Variants in PSD3 observed in about 807,000 individuals in gnomAD.
The protein encoded by PSD3 is PH and SEC7 domain-containing protein 3.
Under a neutral mutation model 105.5 loss-of-function variants are expected in PSD3, and 49 were observed. That is an observed-to-expected ratio of 0.46 (90% CI 0.37 to 0.59). PSD3 has a LOEUF of 0.59. PSD3 is among the 20% of genes least tolerant of loss of function. The pLI, the probability that PSD3 is intolerant of heterozygous loss-of-function variation, is 0.00. For missense variants in PSD3, 1,561 were observed against 1,263.8 expected, an observed-to-expected ratio of 1.24 and a Z score of -3.57; for synonymous variants, 557 against 457.8, an observed-to-expected ratio of 1.22 and a Z score of -2.77.
intron 1 of PSD3, among the ~76,000 whole-genome samples, chr8:19,040,397 G>T (rs1359775770): frequency 6.6e-6 from 1 of 152,000 alleles, no homozygotes; most frequent in East Asian, 1.9e-4. Flanking sequence ...TAGAGACGGG[G>T]GTCTTGCCAT....
intron 9 of PSD3, among the ~76,000 whole-genome samples, chr8:18,677,629 T>C (rs1297183622): frequency 6.6e-6 from 1 of 152,210 alleles, no homozygotes; most frequent in East Asian, 1.9e-4. Flanking sequence ...ATGAAAATGA[T>C]ACAGATAATG....
In PSD3 at chr8:18,619,739, C is replaced by G. The variant is rs150393695; in HGVS notation, c.2410+12874G>C. On this transcript the variant is annotated intron_variant, in intron 11 of 15. Transcript: ENST00000327040. Reference sequence around the variant, plus strand: ...ATTTCACTAAATGGATTTTTATTAACCTGGTATAACGTGGCTTACTCCCCA... The same window carrying G: ...ATTTCACTAAATGGATTTTTATTAAGCTGGTATAACGTGGCTTACTCCCCA... Among the ~76,000 whole-genome samples, 253 of 152,198 alleles carry G rather than the reference C, an allele frequency of 1.7e-3. 1 individual carries two copies. The highest frequency in any genetic ancestry group is 2.9e-3 in the Non-Finnish European group (194 of 68,008).
At chr8:18,610,279 T>C (rs899980003) in intron 11 of PSD3, among the ~76,000 whole-genome samples, 4 of 152,188 alleles carry the variant, frequency 2.6e-5, no homozygotes, top group South Asian at 2.1e-4. Flanking sequence ...GTAGACAAGA[T>C]TGAAAACCTA....
At chr8:18,914,606 C>T (rs1488602512) in intron 2 of PSD3, among the ~76,000 whole-genome samples, 1 of 152,158 alleles carries the variant, frequency 6.6e-6, no homozygotes, top group East Asian at 1.9e-4. Context: ...AAAATAATCT[C>T]ATTTGTAACA....
intron 12 of PSD3, among the ~76,000 whole-genome samples, chr8:18,598,600 T>C (rs538429471): frequency 6.6e-6 from 1 of 152,248 alleles, no homozygotes; most frequent in Non-Finnish European, 1.5e-5. Flanking sequence ...TATCCTTTCA[T>C]GATTTGAAAA....
At chr8:18,755,646 C>A (rs904917959) in intron 9 of PSD3, among the ~76,000 whole-genome samples, 5 of 152,060 alleles carry the variant, frequency 3.3e-5, no homozygotes, top group Non-Finnish European at 7.4e-5. Flanking sequence ...TTACAACCAC[C>A]ACCACTCAAA....
intron 15 of PSD3, among the ~76,000 whole-genome samples, chr8:18,539,036 T>C (rs1799997815): frequency 6.6e-6 from 1 of 152,218 alleles, no homozygotes; most frequent in Non-Finnish European, 1.5e-5. Flanking sequence ...GGACACAGGT[T>C]ACAAAACCCA....
chr8:18,712,764 C>G (rs190613302), intron 9 of PSD3, among the ~76,000 whole-genome samples: 1 of 152,158 alleles, frequency 6.6e-6, no homozygotes, highest in East Asian at 1.9e-4. Context: ...AAAGGAAGAA[C>G]TCCTCCCTTA....
intron 1 of PSD3, among the ~76,000 whole-genome samples, chr8:18,953,940 C>G (rs1823399925): frequency 6.6e-6 from 1 of 151,956 alleles, no homozygotes; most frequent in African/African-American, 2.4e-5. Context: ...GTATACACTC[C>G]TCACACACAT....
chr8:18,687,833 C>T (rs1244947890), intron 9 of PSD3, among the ~76,000 whole-genome samples: 1 of 152,132 alleles, frequency 6.6e-6, no homozygotes, highest in Non-Finnish European at 1.5e-5. Flanking sequence ...GTGGCATGAT[C>T]TTGGCTGACT....
At chr8:18,666,830 C>T (rs888140653) in intron 9 of PSD3, among the ~76,000 whole-genome samples, 1 of 152,090 alleles carries the variant, frequency 6.6e-6, no homozygotes, top group Non-Finnish European at 1.5e-5. Context: ...GAGACAAGCA[C>T]ATCCACTATC....
chr8:18,836,993 T>A (rs1407614312), intron 4 of PSD3, among the ~76,000 whole-genome samples: 1 of 151,426 alleles, frequency 6.6e-6, no homozygotes, highest in East Asian at 1.9e-4. Context: ...CTTGCTCAAA[T>A]CAAGTTTTGT....
chr8:18,810,973 G>C (rs11780950), intron 4 of PSD3, among the ~76,000 whole-genome samples: 47,661 of 152,132 alleles, frequency 0.31, 9,351 homozygotes, highest in Non-Finnish European at 0.44. Context: ...CCTCTGAAAA[G>C]GGAAAAGAAA....
chr8:19,078,951 C>T (rs1001697335), intron 1 of PSD3, among the ~76,000 whole-genome samples: 3 of 138,470 alleles, frequency 2.2e-5, no homozygotes, highest in Non-Finnish European at 5.0e-5. Context: ...GCATTGAGCC[C>T]CTGTGTCCCA....
intron 2 of PSD3, among the ~76,000 whole-genome samples, chr8:18,919,715 T>A (rs577424253): frequency 2.6e-5 from 4 of 151,702 alleles, no homozygotes; most frequent in East Asian, 1.9e-4. Context: ...ATGGATGAAA[T>A]TGGAAATCAT....
At position 18,936,132 on chromosome 8, in the gene PSD3, A is replaced by T; in HGVS notation, c.32T>A (p.Phe11Tyr). 6.2e-7 allele frequency: 1 copy of T among 1,610,506 alleles called. No homozygotes were observed. The highest frequency in any genetic ancestry group is 8.5e-7 in the Non-Finnish European group (1 of 1,177,844). The change falls in exon 2 of 16, where the codon TTT (phenylalanine) becomes TAT (tyrosine). Residue 11 changes from phenylalanine to tyrosine, a missense_variant. Phe to Tyr is a conservative substitution (Grantham distance 22). Transcript: ENST00000327040. ...TGCAGATGCATTGTTCACCCAAACA[A>T]ATGTCTCTGCCTGCAAAATAAGAAC... MEGRSAAAET[F>Y]VWVNNASAHS...
intron 8 of PSD3, chr8:18,774,729 G>C (rs974145553): frequency 5.5e-6 from 2 of 361,676 alleles, no homozygotes; most frequent in Admixed American, 6.9e-5. Flanking sequence ...TGTTTTCTGA[G>C]TTTGGCTAAT....
intron 2 of PSD3, among the ~76,000 whole-genome samples, chr8:18,902,325 G>A (rs1487844066): frequency 2.0e-5 from 3 of 152,074 alleles, no homozygotes; most frequent in Admixed American, 2.0e-4. Flanking sequence ...TTCAAATACA[G>A]GATTTTTATT....
rs772758713 is a variant in PSD3, at chr8:18,836,952, G to GT, written c.1634+30721dup. On this transcript the variant is annotated intron_variant, in intron 4 of 15. Coordinates refer to ENST00000327040, the MANE Select transcript of PSD3 (RefSeq NM_015310.4). ...TAAAAAAAATTCAAGTTTCTTACGTGTTTTTTTTTTTTTTTAATACACATG... is the reference window on the plus strand; with the variant it reads ...TAAAAAAAATTCAAGTTTCTTACGTGTTTTTTTTTTTTTTTTAATACACATG... 9.4e-3 allele frequency among the ~76,000 whole-genome samples: 1,296 copies of GT among 137,300 alleles called. 11 individuals carry two copies. Among genetic ancestry groups the GT allele is most frequent in the African/African-American group, 0.021 (776 of 37,246 alleles). The allele number at this position is 137,300 out of a possible 152,430, so 90.1% of individuals were successfully genotyped here.
Sources: gnomAD v4.1 joint callset for allele counts (sites outside exome capture counted in the v4.1 genomes callset) on GRCh38, gnomAD v4.1.1 for gene constraint, MANE v1.5 for transcripts, NCBI Gene and HGNC (gene_info 2026-07-23, HGNC 2026-07-21) for gene names.